NRG1: variants seen among roughly 807,000 people sequenced by gnomAD.
NRG1 encodes the protein neuregulin 1, also known as pro-neuregulin-1, membrane-bound isoform.
A neutral mutation model predicts 63.8 loss-of-function variants in NRG1; 18 were observed. That is an observed-to-expected ratio of 0.28 (90% CI 0.19 to 0.42). The LOEUF (loss-of-function observed/expected upper bound fraction) is 0.42. Among genes scored for constraint, NRG1 ranks in the 10% least tolerant of loss-of-function variants. The probability of loss-of-function intolerance (pLI) is 1.00; values close to 1 mark genes in which losing one functional copy is unlikely to be tolerated. For synonymous variants in NRG1, 302 were observed against 301.3 expected (o/e 1.00, Z -0.02); for missense variants, 762 against 814.7 (o/e 0.94, Z 0.79).
intron 1 of NRG1, among the ~76,000 whole-genome samples, chr8:32,415,858 T>A (rs1047836133): frequency 6.6e-6 from 1 of 152,212 alleles, no homozygotes; most frequent in Non-Finnish European, 1.5e-5. Context: ...AAGTACATGT[T>A]AACAGGAAAA....
At chr8:31,708,737 G>A (rs1039631874) in intron 1 of NRG1, among the ~76,000 whole-genome samples, 7 of 152,076 alleles carry the variant, frequency 4.6e-5, no homozygotes, top group African/African-American at 1.2e-4. Context: ...GAGCCACCGC[G>A]CCCGGCCAAC....
intron 7 of NRG1, among the ~76,000 whole-genome samples, chr8:32,743,558 A>T (rs1482755495): frequency 2.8e-5 from 4 of 141,182 alleles, no homozygotes; most frequent in African/African-American, 7.8e-5. Context: ...TATATATATA[A>T]AACTTAAGGC....
rs537107690 is a variant in NRG1, at chr8:32,256,338, T to C, written c.38-339490T>C. On this transcript the variant is annotated intron_variant, in intron 1 of 10. Coordinates refer to the NRG1 transcript ENST00000519301. The stretch of plus-strand genomic sequence containing the variant: ...TCTGTGTGGATTTATCTACCTTTGG[T>C]CTTTGATACTGGTGACCTTTGGATG... Among the ~76,000 whole-genome samples the C allele has an allele frequency of 1.6e-3, 246 of 152,318 alleles. 3 individuals are homozygous for C. The highest frequency in any genetic ancestry group is 6.8e-3 in the Middle Eastern group (2 of 294).
chr8:32,655,376 G>A (rs986269029), intron 5 of NRG1, among the ~76,000 whole-genome samples: 1 of 152,166 alleles, frequency 6.6e-6, no homozygotes, highest in African/African-American at 2.4e-5. Flanking sequence ...CACTTCACTT[G>A]AGATTTAGTT....
At chr8:32,036,693 T>C (rs1430271386) in intron 1 of NRG1, among the ~76,000 whole-genome samples, 1 of 152,226 alleles carries the variant, frequency 6.6e-6, no homozygotes, top group East Asian at 1.9e-4. Context: ...CTTCAAGCTC[T>C]GATATCCTTT....
chr8:32,036,762 T>A (rs114957113), intron 1 of NRG1, among the ~76,000 whole-genome samples: 11 of 152,306 alleles, frequency 7.2e-5, no homozygotes, highest in African/African-American at 2.4e-4. Context: ...AGTTCTCATG[T>A]TATGTTTTTT....
intron 1 of NRG1, among the ~76,000 whole-genome samples, chr8:32,164,592 C>T (rs1286896357): frequency 6.6e-6 from 1 of 152,174 alleles, no homozygotes; most frequent in Non-Finnish European, 1.5e-5. Context: ...CTACACACTA[C>T]CGCTTTTTAC....
chr8:31,722,552 T>C (rs755601631), intron 1 of NRG1, among the ~76,000 whole-genome samples: 1 of 152,198 alleles, frequency 6.6e-6, no homozygotes, highest in East Asian at 1.9e-4. Flanking sequence ...GTGCTCTGTA[T>C]TTTAATTCAC....
intron 1 of NRG1, among the ~76,000 whole-genome samples, chr8:32,585,646 A>G (rs1335957217): frequency 6.6e-6 from 1 of 152,140 alleles, no homozygotes; most frequent in African/African-American, 2.4e-5. Flanking sequence ...AGACAGCTGC[A>G]TAGTTCAAAA....
chr8:32,457,268 A>C (rs1821717674), intron 1 of NRG1, among the ~76,000 whole-genome samples: 1 of 152,200 alleles, frequency 6.6e-6, no homozygotes, highest in Admixed American at 6.5e-5. Context: ...TAGAACATCT[A>C]CTTTGTCAGA....
chr8:32,253,133 A>G (rs1052446304), intron 1 of NRG1, among the ~76,000 whole-genome samples: 1 of 152,214 alleles, frequency 6.6e-6, no homozygotes, highest in Non-Finnish European at 1.5e-5. Context: ...CAATCATGTC[A>G]TCTACAAACA....
In NRG1 at chr8:32,618,249, C is replaced by CT. The variant is rs1847731287; in HGVS notation, c.502+1370dup. Among the ~76,000 whole-genome samples, 3 of 150,480 alleles carry CT rather than the reference C, an allele frequency of 2.0e-5. No individual in the cohort carries two copies. The South Asian group carries it at 6.3e-4, about 32-fold the overall frequency. On this transcript the variant is annotated intron_variant, in intron 5 of 11. Coordinates refer to ENST00000356819, the Ensembl canonical transcript of NRG1. ...CTGCAGAAGCAAATACTAGGTTTTT[C>CT]TTTTTTGGCATTTTGTCTGGAAATA... is the stretch of plus-strand genomic sequence containing the variant.
chr8:32,410,199 G>C (rs1464033550), intron 1 of NRG1, among the ~76,000 whole-genome samples: 1 of 15,736 alleles, frequency 6.4e-5, no homozygotes, highest in East Asian at 1.1e-3. Context: ...TTTTTTTTTT[G>C]AGACATGGTC....
At chr8:31,984,735 C>G (rs1284953974) in intron 1 of NRG1, among the ~76,000 whole-genome samples, 3 of 152,144 alleles carry the variant, frequency 2.0e-5, no homozygotes, top group Admixed American at 2.0e-4. Context: ...ATTGCCAAGT[C>G]TGTTCTCAGC....
At chr8:32,187,885 G>A (rs1366967297) in intron 1 of NRG1, among the ~76,000 whole-genome samples, 1 of 152,152 alleles carries the variant, frequency 6.6e-6, no homozygotes, top group Admixed American at 6.5e-5. Context: ...TGCACTTGGG[G>A]CAACATGCTC....
intron 1 of NRG1, among the ~76,000 whole-genome samples, chr8:32,578,900 C>T (rs1046523641): frequency 6.6e-6 from 1 of 152,094 alleles, no homozygotes; most frequent in East Asian, 1.9e-4. Context: ...TTTCATTAGA[C>T]CTTGACTTAG....
intron 1 of NRG1, among the ~76,000 whole-genome samples, chr8:31,913,317 TAGGAAAAAGGGA>T (rs1403614522): frequency 6.6e-6 from 1 of 152,090 alleles, no homozygotes; most frequent in African/African-American, 2.4e-5. Context: ...TTTTTCAAAG[TAGGAAAAAGGGA>T]AGGAAAAAGC....
intron 1 of NRG1, among the ~76,000 whole-genome samples, chr8:32,231,345 T>C (rs1563931973): frequency 6.6e-6 from 1 of 152,184 alleles, no homozygotes; most frequent in African/African-American, 2.4e-5. Flanking sequence ...TTATAGAACA[T>C]TATTAACTTG....
chr8:31,777,309 A>G (rs138198985), intron 1 of NRG1, among the ~76,000 whole-genome samples: 1 of 152,328 alleles, frequency 6.6e-6, no homozygotes, highest in African/African-American at 2.4e-5. Context: ...TCATCTATTA[A>G]TTTGTTTAGT....
Sources: gnomAD v4.1 joint callset for allele counts (sites outside exome capture counted in the v4.1 genomes callset) on GRCh38, gnomAD v4.1.1 for gene constraint, MANE v1.5 for transcripts, NCBI Gene and HGNC (gene_info 2026-07-23, HGNC 2026-07-21) for gene names.